SORCS3: variants seen among roughly 807,000 people sequenced by gnomAD.
SORCS3 encodes VPS10 domain-containing receptor SorCS3.
A neutral mutation model predicts 146.3 loss-of-function variants in SORCS3; 57 were observed. The observed-to-expected ratio is 0.39, with a 90% confidence interval of 0.31 to 0.49. The LOEUF (loss-of-function observed/expected upper bound fraction) is 0.49. Among genes scored for constraint, SORCS3 ranks in the 20% least tolerant of loss-of-function variants. The pLI is 0.92. For synonymous variants in SORCS3, 653 were observed against 618.5 expected (o/e 1.06, Z -0.83); for missense variants, 1,341 against 1,575.5 (o/e 0.85, Z 2.52).
At chr10:104,981,724 G>A (rs922705891) in intron 4 of SORCS3, among the ~76,000 whole-genome samples, 3 of 152,158 alleles carry the variant, frequency 2.0e-5, no homozygotes, top group South Asian at 4.1e-4. Flanking sequence ...AAAAAAATGG[G>A]CACATGCTCA....
intron 1 of SORCS3, among the ~76,000 whole-genome samples, chr10:104,801,300 T>C (rs1237773689): frequency 2.6e-5 from 4 of 152,240 alleles, no homozygotes; most frequent in African/African-American, 9.6e-5. Flanking sequence ...GCTTTCTCTT[T>C]TCTCTTAGAG....
chr10:105,145,476 C>A (rs1183725052), intron 8 of SORCS3, among the ~76,000 whole-genome samples: 2 of 152,046 alleles, frequency 1.3e-5, no homozygotes, highest in African/African-American at 4.8e-5. Flanking sequence ...TTAAGTTGTT[C>A]TTTTCCCATT....
chr10:105,087,488 A>G (rs1331946777), intron 5 of SORCS3, among the ~76,000 whole-genome samples: 14 of 60,408 alleles, frequency 2.3e-4, no homozygotes, highest in East Asian at 4.6e-4. Flanking sequence ...CTCTTCTGGG[A>G]AAAAAAAAAA....
intron 7 of SORCS3, among the ~76,000 whole-genome samples, chr10:105,135,789 C>T (rs1013072472): frequency 6.6e-5 from 10 of 152,224 alleles, no homozygotes; most frequent in Non-Finnish European, 1.3e-4. Flanking sequence ...CAAGGATGAC[C>T]TTTCCTCTAA....
At chr10:105,182,138 A>G (rs1215862888) in intron 14 of SORCS3, among the ~76,000 whole-genome samples, 2 of 151,568 alleles carry the variant, frequency 1.3e-5, no homozygotes, top group Non-Finnish European at 2.9e-5. Context: ...ACTTCTTACC[A>G]TGAGTGAATG....
intron 1 of SORCS3, among the ~76,000 whole-genome samples, chr10:104,769,128 C>G (rs1222270108): frequency 6.6e-6 from 1 of 152,234 alleles, no homozygotes; most frequent in Non-Finnish European, 1.5e-5. Context: ...TGCCAACTTA[C>G]TTGCATTTAA....
chr10:105,182,750 C>T (rs182441764), intron 14 of SORCS3, among the ~76,000 whole-genome samples: 2 of 152,146 alleles, frequency 1.3e-5, no homozygotes, highest in African/African-American at 2.4e-5. Context: ...GGTTGGAGTG[C>T]AGTGATGCGG....
At chr10:104,986,000 C>T (rs770582794) in intron 4 of SORCS3, among the ~76,000 whole-genome samples, 1 of 152,202 alleles carries the variant, frequency 6.6e-6, no homozygotes, top group South Asian at 2.1e-4. Flanking sequence ...TTAAAGTCGT[C>T]AGCAGCGTTA....
intron 3 of SORCS3, among the ~76,000 whole-genome samples, chr10:104,965,101 T>C (rs889630016): frequency 3.3e-5 from 5 of 152,232 alleles, no homozygotes; most frequent in African/African-American, 1.2e-4. Flanking sequence ...ATTTTGTTTA[T>C]CCATTCATTC....
intron 2 of SORCS3, among the ~76,000 whole-genome samples, chr10:104,908,140 C>G (rs2018927839): frequency 6.6e-6 from 1 of 152,188 alleles, no homozygotes; most frequent in African/African-American, 2.4e-5. Context: ...GTTGACAATC[C>G]TCAGTGTATC....
chr10:105,061,594 C>A (rs373796928), intron 5 of SORCS3, among the ~76,000 whole-genome samples: 1 of 151,230 alleles, frequency 6.6e-6, no homozygotes, highest in Non-Finnish European at 1.5e-5. Flanking sequence ...TGCGCCTGGC[C>A]CCCTTTTTTT....
At chr10:104,975,456 A>G (rs1298607181) in intron 3 of SORCS3, among the ~76,000 whole-genome samples, 2 of 152,234 alleles carry the variant, frequency 1.3e-5, no homozygotes, top group Non-Finnish European at 2.9e-5. Flanking sequence ...GGGTAGGAAG[A>G]ATCAGTATCA....
intron 8 of SORCS3, among the ~76,000 whole-genome samples, chr10:105,144,460 T>G (rs1396826115): frequency 6.6e-6 from 1 of 152,168 alleles, no homozygotes; most frequent in Admixed American, 6.5e-5. Context: ...AGGCCTAGAT[T>G]ATAAGAAAAT....
chr10:104,723,122 A>G (rs2016572090), intron 1 of SORCS3, among the ~76,000 whole-genome samples: 2 of 152,200 alleles, frequency 1.3e-5, no homozygotes, highest in African/African-American at 4.8e-5. Flanking sequence ...ATTCAGTGCT[A>G]TAAATTTCCC....
chr10:105,093,221 C>T (rs1474495999), intron 6 of SORCS3, among the ~76,000 whole-genome samples: 1 of 152,134 alleles, frequency 6.6e-6, no homozygotes, highest in Admixed American at 6.5e-5. Context: ...TAACTTCAAC[C>T]TATGATTCAC....
chr10:104,689,420 G>T (rs77630205), intron 1 of SORCS3, among the ~76,000 whole-genome samples: 2 of 152,128 alleles, frequency 1.3e-5, no homozygotes, highest in Non-Finnish European at 2.9e-5. Flanking sequence ...GTTTGTTTGC[G>T]TGTCTGTCTC....
At chr10:104,864,127 T>C (rs2018434488) in intron 2 of SORCS3, among the ~76,000 whole-genome samples, 1 of 152,154 alleles carries the variant, frequency 6.6e-6, no homozygotes, top group Non-Finnish European at 1.5e-5. Flanking sequence ...TTAGAAAGTG[T>C]GGGGTATGAA....
At chr10:104,697,026 C>A (rs2016224553) in intron 1 of SORCS3, among the ~76,000 whole-genome samples, 1 of 151,206 alleles carries the variant, frequency 6.6e-6, no homozygotes, top group Non-Finnish European at 1.5e-5. Context: ...ATAAGCTGAA[C>A]CAGTTCTGGG....
At chr10:105,163,899 C>G (rs922089482) in intron 11 of SORCS3, among the ~76,000 whole-genome samples, 2 of 151,390 alleles carry the variant, frequency 1.3e-5, no homozygotes, top group African/African-American at 4.9e-5. Context: ...CACACACACA[C>G]ACACACACAC....
Sources: gnomAD v4.1 joint callset for allele counts (sites outside exome capture counted in the v4.1 genomes callset) on GRCh38, gnomAD v4.1.1 for gene constraint, MANE v1.5 for transcripts, NCBI Gene and HGNC (gene_info 2026-07-23, HGNC 2026-07-21) for gene names.